Variants in TNRC6B observed in about 807,000 individuals in gnomAD.
The protein encoded by TNRC6B is trinucleotide repeat containing adaptor 6B, also known as trinucleotide repeat-containing gene 6B protein.
Under a neutral mutation model 203.6 loss-of-function variants are expected in TNRC6B, and 52 were observed. That is an observed-to-expected ratio of 0.26 (90% CI 0.20 to 0.32). TNRC6B has a LOEUF of 0.32. Ranked by LOEUF, TNRC6B falls within the 10% of genes least tolerant of loss-of-function variation. TNRC6B has a pLI of 1.00. For synonymous variants in TNRC6B, 838 were observed against 845.7 expected (o/e 0.99, Z 0.16); for missense variants, 1,923 against 2,286.2 (o/e 0.84, Z 3.24).
At chr22:40,151,570 A>G (rs2068755533) in intron 3 of TNRC6B, among the ~76,000 whole-genome samples, 1 of 138,008 alleles carries the variant, frequency 7.2e-6, no homozygotes, top group Admixed American at 7.2e-5. Context: ...GAAAAAAACT[A>G]AAACAAAAAC....
intron 3 of TNRC6B, among the ~76,000 whole-genome samples, chr22:40,132,112 C>T (rs560003889): frequency 6.6e-6 from 1 of 152,200 alleles, no homozygotes; most frequent in Non-Finnish European, 1.5e-5. Flanking sequence ...GTTTGGGAGG[C>T]CGAGGCAGGC....
In TNRC6B at chr22:40,266,593, A is replaced by G. The variant is rs1377774063; in HGVS notation, c.2363A>G (p.Asn788Ser). 4 of 1,612,734 alleles carry G rather than the reference A, an allele frequency of 2.5e-6. No homozygotes were observed. Among genetic ancestry groups the G allele is most frequent in the Non-Finnish European group, 3.4e-6 (4 of 1,179,170 alleles). Residue 788 changes from asparagine (N) to serine (S), a missense_variant, in exon 5 of 23, where the codon AAT becomes AGT. Asn to Ser is a conservative substitution (Grantham distance 46). Coordinates refer to ENST00000454349, the MANE Select transcript of TNRC6B (RefSeq NM_001162501.2). ...ATCGGGACTTGGGGTAATGGTGGCA[A>G]TGCAAGCCTAGCTTCAAAAGGTGGG... Reference protein sequence around the residue: ...NEIGTWGNGGNASLASKGGWE... With the variant: ...NEIGTWGNGGSASLASKGGWE...
chr22:40,093,242 C>CTA (rs1423103149), intron 1 of TNRC6B, among the ~76,000 whole-genome samples: 2 of 152,124 alleles, frequency 1.3e-5, no homozygotes, highest in Non-Finnish European at 2.9e-5. Flanking sequence ...ACTTACTGAA[C>CTA]TAGAAGATAA....
At chr22:40,321,349 C>G (rs573099786) in intron 22 of TNRC6B, 120 bp downstream of exon 22, 2 of 1,179,898 alleles carry the variant, frequency 1.7e-6, no homozygotes, top group Admixed American at 4.4e-5. Context: ...CACCGTCACA[C>G]GTGCATCTGC....
At chr22:40,210,025 A>AAC (rs1027628434) in intron 1 of TNRC6B, among the ~76,000 whole-genome samples, 2 of 151,308 alleles carry the variant, frequency 1.3e-5, no homozygotes, top group Admixed American at 6.6e-5. Context: ...CTCAAAAAAA[A>AAC]AAAAAAAGAG....
At chr22:40,221,092 C>T (rs911155116) in intron 1 of TNRC6B, among the ~76,000 whole-genome samples, 1 of 152,206 alleles carries the variant, frequency 6.6e-6, no homozygotes, top group Non-Finnish European at 1.5e-5. Flanking sequence ...TCCCTCCCAA[C>T]TCTGTCGATA....
intron 1 of TNRC6B, among the ~76,000 whole-genome samples, chr22:40,068,811 T>C (rs2067920550): frequency 6.6e-6 from 1 of 151,932 alleles, no homozygotes; most frequent in Non-Finnish European, 1.5e-5. Flanking sequence ...CTCAAACTCC[T>C]GGCCTGAAGT....
intron 1 of TNRC6B, among the ~76,000 whole-genome samples, chr22:40,195,195 TG>T (rs2069321262): frequency 6.6e-6 from 1 of 152,220 alleles, no homozygotes; most frequent in Non-Finnish European, 1.5e-5. Context: ...TATATTTTCT[TG>T]GATGTAAACA....
intron 1 of TNRC6B, among the ~76,000 whole-genome samples, chr22:40,241,149 C>T (rs1170572224): frequency 1.3e-5 from 2 of 152,132 alleles, no homozygotes; most frequent in Non-Finnish European, 2.9e-5. Flanking sequence ...GAAACAATCT[C>T]GAACTTACAG....
intron 3 of TNRC6B, among the ~76,000 whole-genome samples, chr22:40,127,335 C>A (rs1025814086): frequency 6.6e-6 from 1 of 152,044 alleles, no homozygotes; most frequent in Non-Finnish European, 1.5e-5. Flanking sequence ...CCCATATCAC[C>A]AGATTTCTTT....
At chr22:40,070,390 C>T (rs1720018659) in intron 1 of TNRC6B, among the ~76,000 whole-genome samples, 1 of 152,098 alleles carries the variant, frequency 6.6e-6, no homozygotes, top group Non-Finnish European at 1.5e-5. Context: ...ATCAGAAAAT[C>T]TCATGCTGTT....
At chr22:40,242,312 G>A (rs377574466) in intron 1 of TNRC6B, among the ~76,000 whole-genome samples, 12 of 152,108 alleles carry the variant, frequency 7.9e-5, no homozygotes, top group African/African-American at 1.4e-4. Flanking sequence ...ATGAGTTCAC[G>A]TCAATAACTA....
intron 1 of TNRC6B, among the ~76,000 whole-genome samples, chr22:40,074,949 C>A (rs2067992861): frequency 6.6e-6 from 1 of 151,802 alleles, no homozygotes; most frequent in Admixed American, 6.6e-5. Flanking sequence ...CAGAGCGAGA[C>A]CTTGTCTCAA....
intron 1 of TNRC6B, among the ~76,000 whole-genome samples, chr22:40,054,173 G>A (rs898331653): frequency 1.3e-5 from 2 of 152,158 alleles, no homozygotes; most frequent in Non-Finnish European, 2.9e-5. Context: ...CCGAGATTGC[G>A]CCACCACACT....
chr22:40,273,317 G>A lies in TNRC6B; in HGVS notation c.2966-108G>A. 2.9e-6 allele frequency: 3 copies of A among 1,025,442 alleles called. No individual in the cohort carries two copies. The South Asian group carries it at 5.6e-5, about 19-fold the overall frequency. The allele number at this position is 1,025,442 out of a possible 1,614,324, so 63.5% of individuals were successfully genotyped here. A position where few individuals can be genotyped will look rare whatever the true frequency, so the allele number is the denominator to read the frequency against. ...ATATTTGTCTTGCCATGGAGATGGA[G>A]TAGATAAAATTACAAAGACACGTAA... On this transcript the variant is annotated intron_variant, in intron 6 of 22. Coordinates refer to ENST00000454349, the MANE Select transcript of TNRC6B (RefSeq NM_001162501.2).
chr22:40,169,936 C>A (rs2068955940), intron 4 of TNRC6B, among the ~76,000 whole-genome samples: 1 of 151,918 alleles, frequency 6.6e-6, no homozygotes, highest in Admixed American at 6.6e-5. Flanking sequence ...TTCTGAAATT[C>A]TTTGGCTACA....
chr22:40,320,910 A>G (rs1008229132), intron 21 of TNRC6B, among the ~76,000 whole-genome samples, 180 bp from the exon 22 acceptor site: 1 of 152,146 alleles, frequency 6.6e-6, no homozygotes, highest in African/African-American at 2.4e-5. Flanking sequence ...TAACACTCCC[A>G]CCTGTTTATC....
rs1396506459 is a variant in TNRC6B at position 40,066,625 on chromosome 22, C to T, written c.-121+21627C>T. ...TAGTTTGGAAACAAAATAAGAGTTG[C>T]AAAGTATTTTCATTGGTAACCTGAT... On this transcript the variant is annotated intron_variant, in intron 1 of 23. Coordinates refer to the TNRC6B transcript ENST00000301923. Among the ~76,000 whole-genome samples, 3 of 152,176 alleles carry T rather than the reference C, an allele frequency of 2.0e-5. No individual in the cohort carries two copies. In the East Asian group the frequency reaches 5.8e-4, roughly 29 times the overall value.
intron 1 of TNRC6B, among the ~76,000 whole-genome samples, chr22:40,092,867 G>A (rs1036133267): frequency 6.6e-6 from 1 of 152,228 alleles, no homozygotes; most frequent in Non-Finnish European, 1.5e-5. Context: ...ATTGTAAATT[G>A]TAAATGAAAG....
Sources: gnomAD v4.1 joint callset for allele counts (sites outside exome capture counted in the v4.1 genomes callset) on GRCh38, gnomAD v4.1.1 for gene constraint, MANE v1.5 for transcripts, NCBI Gene and HGNC (gene_info 2026-07-23, HGNC 2026-07-21) for gene names.